NBAS: variants seen among roughly 807,000 people sequenced by gnomAD.
NBAS encodes the protein NBAS subunit of NRZ tethering complex.
A neutral mutation model predicts 302.5 loss-of-function variants in NBAS; 219 were observed. That is an observed-to-expected ratio of 0.72 (90% CI 0.65 to 0.81). The LOEUF is 0.81. Among genes scored for constraint, NBAS ranks in the 30% least tolerant of loss-of-function variants. The pLI is 0.00. For missense variants in NBAS, 2,932 were observed against 2,841.6 expected (o/e 1.03, Z -0.72); for synonymous variants, 1,118 against 1,021.6 (o/e 1.09, Z -1.80).
At chr2:14,974,606 G>A in the NBAS span, among the ~76,000 whole-genome samples, 3 of 152,178 alleles carry the variant, frequency 2.0e-5, no homozygotes, top group Non-Finnish European at 4.4e-5. Context: ...TGCTCATAAA[G>A]CTTCAGGACT....
intron 45 of NBAS, among the ~76,000 whole-genome samples, chr2:15,235,513 G>T (rs1667552979): frequency 6.6e-6 from 1 of 152,150 alleles, no homozygotes; most frequent in South Asian, 2.1e-4. Context: ...AGTTTCCCTT[G>T]TAATCCTGAA....
chr2:15,038,092 T>C, the NBAS span, among the ~76,000 whole-genome samples: 1 of 147,788 alleles, frequency 6.8e-6, no homozygotes, highest in Non-Finnish European at 1.5e-5. Context: ...TATATATATA[T>C]ATATGTCACT....
the NBAS span, among the ~76,000 whole-genome samples, chr2:15,058,044 A>G: frequency 5.9e-5 from 9 of 152,222 alleles, no homozygotes; most frequent in Non-Finnish European, 1.3e-4. Flanking sequence ...GAGATTCCTT[A>G]AAGAACTAAA....
intron 6 of NBAS, among the ~76,000 whole-genome samples, chr2:15,543,749 C>T (rs147785043): frequency 1.3e-5 from 2 of 152,342 alleles, no homozygotes; most frequent in African/African-American, 2.4e-5. Context: ...TCATCTCCTA[C>T]TGGGTCCCTC....
the NBAS span, among the ~76,000 whole-genome samples, chr2:15,128,905 G>A: frequency 2.0e-5 from 3 of 152,218 alleles, no homozygotes; most frequent in Non-Finnish European, 4.4e-5. Context: ...CAGGCACCAG[G>A]GCGTGGGCTT....
chr2:14,887,516 G>T, the NBAS span, among the ~76,000 whole-genome samples: 1 of 152,006 alleles, frequency 6.6e-6, no homozygotes, highest in East Asian at 1.9e-4. Context: ...AGGACCAGGA[G>T]TAGCCTGTCC....
chr2:14,835,137 T>C, the NBAS span, among the ~76,000 whole-genome samples: 1 of 151,990 alleles, frequency 6.6e-6, no homozygotes, highest in Non-Finnish European at 1.5e-5. Flanking sequence ...ACTCACCTAT[T>C]TGCGAAATTC....
chr2:15,486,220 C>T (rs1680622243), intron 12 of NBAS, among the ~76,000 whole-genome samples: 1 of 152,218 alleles, frequency 6.6e-6, no homozygotes, highest in East Asian at 1.9e-4. Flanking sequence ...GTAATGGCAA[C>T]TACGTCCATG....
the NBAS span, among the ~76,000 whole-genome samples, chr2:14,840,906 G>T: frequency 6.6e-6 from 1 of 151,976 alleles, no homozygotes; most frequent in East Asian, 1.9e-4. Flanking sequence ...ATTGTAATAT[G>T]CAATCCATTC....
the NBAS span, among the ~76,000 whole-genome samples, chr2:15,161,278 A>C: frequency 6.6e-6 from 1 of 152,218 alleles, no homozygotes; most frequent in Non-Finnish European, 1.5e-5. Flanking sequence ...GACTTTGAAC[A>C]CATATAGGCG....
intron 40 of NBAS, among the ~76,000 whole-genome samples, chr2:15,299,964 T>C (rs544300430): frequency 1.1e-3 from 172 of 152,272 alleles, no homozygotes; most frequent in Middle Eastern, 3.4e-3. Context: ...TTAGAACAAA[T>C]ACTAGAAGAG....
At chr2:14,984,703 A>G in the NBAS span, among the ~76,000 whole-genome samples, 1 of 152,190 alleles carries the variant, frequency 6.6e-6, no homozygotes, top group Non-Finnish European at 1.5e-5. Context: ...CACCCCCAGA[A>G]GAGTTGATGT....
chr2:15,192,559 A>G (rs1023061942), intron 48 of NBAS, among the ~76,000 whole-genome samples: 2 of 152,188 alleles, frequency 1.3e-5, no homozygotes, highest in Non-Finnish European at 2.9e-5. Context: ...TAACATTACA[A>G]CTACACAAAT....
rs1330179374 is a variant in NBAS at position 15,473,367 on chromosome 2, G to A, written c.1600-20C>T. 1 of 1,612,908 alleles carries A rather than the reference G, an allele frequency of 6.2e-7. No homozygotes were observed. The highest frequency in any genetic ancestry group is 1.1e-5 in the South Asian group (1 of 90,982). ...TTCAATCTTCAGATAAAAACACGAG[G>A]ACAGGAATGTTACATGACTGAATTA... On this transcript the variant is annotated intron_variant, in intron 15 of 51. Coordinates refer to ENST00000281513, the MANE Select transcript of NBAS (RefSeq NM_015909.4).
the NBAS span, among the ~76,000 whole-genome samples, chr2:15,147,512 G>A: frequency 6.6e-6 from 1 of 152,112 alleles, no homozygotes; most frequent in African/African-American, 2.4e-5. Context: ...AGAATCGCTT[G>A]AATCCGGAGG....
chr2:15,527,573 G>A (rs780146680), intron 9 of NBAS, among the ~76,000 whole-genome samples: 6 of 152,134 alleles, frequency 3.9e-5, no homozygotes, highest in Admixed American at 1.3e-4. Context: ...AAGACAACGC[G>A]TGGAGCCTCT....
chr2:14,868,746 C>A, the NBAS span, among the ~76,000 whole-genome samples: 1 of 152,202 alleles, frequency 6.6e-6, no homozygotes, highest in African/African-American at 2.4e-5. Flanking sequence ...ATGGCTTTGT[C>A]TTTCCAACAC....
intron 48 of NBAS, among the ~76,000 whole-genome samples, chr2:15,214,022 G>T (rs560438390): frequency 6.6e-6 from 1 of 152,192 alleles, no homozygotes; most frequent in African/African-American, 2.4e-5. Context: ...TAAAATAAAA[G>T]CACCAGGCCA....
chr2:15,423,518 T>C (rs960319533), intron 23 of NBAS, among the ~76,000 whole-genome samples: 5 of 152,198 alleles, frequency 3.3e-5, no homozygotes, highest in Non-Finnish European at 7.3e-5. Flanking sequence ...TGTCACTGAC[T>C]TGAAGCTCAA....
Sources: allele counts gnomAD v4.1 joint callset (sites outside exome capture counted in the v4.1 genomes callset), GRCh38; gene constraint gnomAD v4.1.1; transcripts MANE v1.5; gene names NCBI Gene and HGNC (gene_info 2026-07-23, HGNC 2026-07-21).